Variants in SPMIP2 observed in about 807,000 individuals in gnomAD.
SPMIP2 encodes the protein protein SPMIP2.
the SPMIP2 span, among the ~76,000 whole-genome samples, chr4:159,038,223 C>T: frequency 2.0e-5 from 3 of 152,310 alleles, no homozygotes; most frequent in East Asian, 5.8e-4. Flanking sequence ...GTTGCTAACC[C>T]TGCCACCATC....
At chr4:158,981,150 TAGAGAAA>T in the SPMIP2 span, among the ~76,000 whole-genome samples, 55 of 151,932 alleles carry the variant, frequency 3.6e-4, no homozygotes, top group Admixed American at 1.2e-3. Context: ...AAGACAAGAT[TAGAGAAA>T]AAAGAATGAA....
At chr4:159,026,498 G>C in the SPMIP2 span, 3 of 665,002 alleles carry the variant, frequency 4.5e-6, no homozygotes, top group Admixed American at 5.8e-5. Context: ...AATGTCACCT[G>C]TTCTCAGATC....
the SPMIP2 span, among the ~76,000 whole-genome samples, chr4:159,066,986 G>A: frequency 6.6e-6 from 1 of 152,086 alleles, no homozygotes; most frequent in Admixed American, 6.6e-5. Flanking sequence ...CTATCTGCAT[G>A]GGCCAGGAAC....
At chr4:159,035,924 C>T in the SPMIP2 span, among the ~76,000 whole-genome samples, 2 of 152,296 alleles carry the variant, frequency 1.3e-5, no homozygotes, top group Admixed American at 1.3e-4. Flanking sequence ...AATTATTTGT[C>T]TATTTTATCG....
At chr4:158,918,675 A>C in the SPMIP2 span, among the ~76,000 whole-genome samples, 18 of 152,266 alleles carry the variant, frequency 1.2e-4, no homozygotes, top group African/African-American at 4.3e-4. Flanking sequence ...AAAGTTAAAA[A>C]TTAGATGTAG....
chr4:158,992,790 G>A, the SPMIP2 span, among the ~76,000 whole-genome samples: 5 of 152,186 alleles, frequency 3.3e-5, no homozygotes, highest in African/African-American at 4.8e-5. Flanking sequence ...GCAAGCTGGA[G>A]GTGCTGTGAA....
the SPMIP2 span, among the ~76,000 whole-genome samples, chr4:158,939,169 G>A: frequency 6.6e-6 from 1 of 152,134 alleles, no homozygotes; most frequent in African/African-American, 2.4e-5. Context: ...AGGTTCTTTG[G>A]GAGACTATAG....
At chr4:159,066,589 TTATATATATATATA>T in the SPMIP2 span, among the ~76,000 whole-genome samples, 7 of 76,632 alleles carry the variant, frequency 9.1e-5, no homozygotes, top group African/African-American at 2.6e-4. Flanking sequence ...TGTGTGTATT[TTATATATATATATA>T]TATATATATA....
chr4:158,994,163 T>C, the SPMIP2 span, among the ~76,000 whole-genome samples: 1 of 152,190 alleles, frequency 6.6e-6, no homozygotes, highest in Non-Finnish European at 1.5e-5. Context: ...TGGAGAAGAG[T>C]TGTATCTTAT....
the SPMIP2 span, among the ~76,000 whole-genome samples, chr4:159,043,722 G>A: frequency 6.6e-6 from 1 of 152,178 alleles, no homozygotes; most frequent in African/African-American, 2.4e-5. Context: ...CTCTTCTACA[G>A]TTCCTCCTTA....
the SPMIP2 span, among the ~76,000 whole-genome samples, chr4:159,018,385 A>T: frequency 2.0e-5 from 3 of 152,224 alleles, no homozygotes; most frequent in African/African-American, 2.4e-5. Flanking sequence ...AATCTAGGAC[A>T]TGTAGTCCAA....
the SPMIP2 span, among the ~76,000 whole-genome samples, chr4:158,987,497 T>C: frequency 7.2e-4 from 110 of 152,114 alleles, no homozygotes; most frequent in African/African-American, 2.5e-3. Context: ...ATGGATGAAA[T>C]TGGAAATCAT....
At chr4:159,032,633 T>C in the SPMIP2 span, among the ~76,000 whole-genome samples, 1 of 152,144 alleles carries the variant, frequency 6.6e-6, no homozygotes, top group South Asian at 2.1e-4. Context: ...CCAAACTGGC[T>C]AAGGAAAAGA....
the SPMIP2 span, among the ~76,000 whole-genome samples, chr4:158,909,869 T>C: frequency 6.6e-6 from 1 of 152,070 alleles, no homozygotes; most frequent in Non-Finnish European, 1.5e-5. Flanking sequence ...GGTGAAACCC[T>C]GCCTCTACTA....
chr4:158,928,871 C>T, the SPMIP2 span, among the ~76,000 whole-genome samples: 21 of 152,098 alleles, frequency 1.4e-4, no homozygotes, highest in Admixed American at 1.1e-3. Flanking sequence ...TAACAGTCAC[C>T]GCGAAGGGCT....
chr4:159,049,519 G>A, the SPMIP2 span, among the ~76,000 whole-genome samples: 1 of 152,120 alleles, frequency 6.6e-6, no homozygotes, highest in Non-Finnish European at 1.5e-5. Context: ...CGCAGACAAC[G>A]TGTAATGATC....
chr4:159,050,576 G>A, the SPMIP2 span, among the ~76,000 whole-genome samples: 2 of 152,198 alleles, frequency 1.3e-5, no homozygotes, highest in African/African-American at 2.4e-5. Context: ...GCTGAAGCAG[G>A]AGGATTGCTT....
chr4:158,922,273 C>T, the SPMIP2 span, among the ~76,000 whole-genome samples: 9 of 152,128 alleles, frequency 5.9e-5, no homozygotes, highest in Non-Finnish European at 8.8e-5. Flanking sequence ...TGTGTATGGC[C>T]TCCTCACACC....
the SPMIP2 span, among the ~76,000 whole-genome samples, chr4:158,911,657 T>C: frequency 6.6e-6 from 1 of 152,156 alleles, no homozygotes; most frequent in East Asian, 1.9e-4. Context: ...CAGCAACAAC[T>C]AACTGCATTT....
Sources: gnomAD v4.1 joint callset for allele counts (sites outside exome capture counted in the v4.1 genomes callset) on GRCh38, gnomAD v4.1.1 for gene constraint, MANE v1.5 for transcripts, NCBI Gene and HGNC (gene_info 2026-07-23, HGNC 2026-07-21) for gene names.